PIP5K1B: variants seen among roughly 807,000 people sequenced by gnomAD.
The protein encoded by PIP5K1B is phosphatidylinositol-4-phosphate 5-kinase type 1 beta.
Under a neutral mutation model 67.0 loss-of-function variants are expected in PIP5K1B, and 42 were observed. The observed-to-expected ratio is 0.63, with a 90% confidence interval of 0.49 to 0.81. The LOEUF is 0.81. Among genes scored for constraint, PIP5K1B ranks in the 30% least tolerant of loss-of-function variants. PIP5K1B has a pLI of 0.00. For missense variants in PIP5K1B, 459 were observed against 646.3 expected (o/e 0.71, Z 3.14); for synonymous variants, 214 against 231.4 (o/e 0.92, Z 0.68).
chr9:68,896,274 T>C (rs1397482749), intron 8 of PIP5K1B, among the ~76,000 whole-genome samples: 1 of 152,174 alleles, frequency 6.6e-6, no homozygotes, highest in Non-Finnish European at 1.5e-5. Context: ...TTGCTTTCTC[T>C]TTTGTGTGCT....
intron 7 of PIP5K1B, among the ~76,000 whole-genome samples, chr9:68,894,035 A>G (rs893372691): frequency 1.3e-5 from 2 of 152,176 alleles, no homozygotes; most frequent in African/African-American, 4.8e-5. Context: ...CTCTTTGGCT[A>G]CCTTAGAGAA....
chr9:68,811,077 T>G (rs1833138298), intron 2 of PIP5K1B, among the ~76,000 whole-genome samples: 1 of 152,130 alleles, frequency 6.6e-6, no homozygotes. Context: ...CCTCCTAGAC[T>G]TAATGCAGGG....
chr9:68,754,334 T>A (rs1829812110), intron 2 of PIP5K1B, among the ~76,000 whole-genome samples: 2 of 151,562 alleles, frequency 1.3e-5, no homozygotes, highest in African/African-American at 4.9e-5. Context: ...CATGCCTGAC[T>A]GATTTTTTGT....
intron 13 of PIP5K1B, among the ~76,000 whole-genome samples, chr9:68,937,644 T>C (rs1367228279): frequency 6.6e-6 from 1 of 152,214 alleles, no homozygotes; most frequent in African/African-American, 2.4e-5. Flanking sequence ...TGTCTTCCGC[T>C]AGATTTTGAA....
chr9:68,915,538 C>A (rs1326445522), intron 8 of PIP5K1B, among the ~76,000 whole-genome samples: 1 of 152,132 alleles, frequency 6.6e-6, no homozygotes, highest in Admixed American at 6.5e-5. Flanking sequence ...ACTGATAACA[C>A]CTCCATGGAG....
intron 4 of PIP5K1B, among the ~76,000 whole-genome samples, chr9:68,861,769 G>A (rs1823087023): frequency 6.6e-6 from 1 of 152,178 alleles, no homozygotes; most frequent in Admixed American, 6.5e-5. Flanking sequence ...AGGTTAAAAT[G>A]AAGAAAATCC....
At chr9:68,830,939 CT>C (rs756216421) in intron 4 of PIP5K1B, among the ~76,000 whole-genome samples, 13 of 152,238 alleles carry the variant, frequency 8.5e-5, no homozygotes, top group African/African-American at 1.2e-4. Context: ...GGCTCATCCA[CT>C]TTCACCACTC....
chr9:68,771,619 G>T (rs1830673989), intron 2 of PIP5K1B, among the ~76,000 whole-genome samples: 1 of 152,168 alleles, frequency 6.6e-6, no homozygotes, highest in South Asian at 2.1e-4. Flanking sequence ...GAAATCGAAT[G>T]AGTTAATATA....
intron 4 of PIP5K1B, among the ~76,000 whole-genome samples, chr9:68,827,747 T>C (rs1004190948): frequency 1.3e-5 from 2 of 152,220 alleles, no homozygotes; most frequent in Admixed American, 1.3e-4. Flanking sequence ...TTTTCTGCCA[T>C]TGGTGGAACT....
At chr9:68,929,275 G>A (rs1355992082) in intron 12 of PIP5K1B, among the ~76,000 whole-genome samples, 1 of 151,710 alleles carries the variant, frequency 6.6e-6, no homozygotes. Context: ...TTGAATGGAT[G>A]AATATACCAT....
chr9:68,776,118 G>T (rs1830905462), intron 2 of PIP5K1B, among the ~76,000 whole-genome samples: 1 of 152,152 alleles, frequency 6.6e-6, no homozygotes, highest in Non-Finnish European at 1.5e-5. Flanking sequence ...TTAAAGCACA[G>T]TTTTTTCTGC....
intron 15 of PIP5K1B, among the ~76,000 whole-genome samples, chr9:69,001,325 A>G (rs1384683435): frequency 2.0e-5 from 3 of 152,082 alleles, no homozygotes; most frequent in African/African-American, 4.8e-5. Context: ...TCCTTTTCAA[A>G]TGAAACCAGT....
At chr9:68,834,040 A>G (rs904161906) in intron 4 of PIP5K1B, among the ~76,000 whole-genome samples, 1 of 152,232 alleles carries the variant, frequency 6.6e-6, no homozygotes, top group African/African-American at 2.4e-5. Context: ...CCATATTTTG[A>G]TGTTGCCTCC....
chr9:68,986,710 G>T (rs1208554737), intron 14 of PIP5K1B, among the ~76,000 whole-genome samples: 1 of 151,876 alleles, frequency 6.6e-6, no homozygotes, highest in Non-Finnish European at 1.5e-5. Flanking sequence ...TGAAATAATT[G>T]ATAAATATAC....
chr9:68,933,459 GA>G (rs1827104783), intron 12 of PIP5K1B, among the ~76,000 whole-genome samples: 1 of 151,968 alleles, frequency 6.6e-6, no homozygotes, highest in African/African-American at 2.4e-5. Flanking sequence ...TCCCCTCAAA[GA>G]AAAACAAATT....
chr9:68,935,164 T>A, intron 13 of PIP5K1B, 119 bp downstream of exon 13: 1 of 871,874 alleles, frequency 1.1e-6, no homozygotes, highest in Non-Finnish European at 1.8e-6. Context: ...ATTAATTAAG[T>A]TTTTAAAGGA....
intron 14 of PIP5K1B, among the ~76,000 whole-genome samples, chr9:68,970,146 T>C (rs1829281382): frequency 6.6e-6 from 1 of 152,244 alleles, no homozygotes; most frequent in African/African-American, 2.4e-5. Flanking sequence ...CTGAATCCAG[T>C]GACTTTTCCA....
chr9:68,989,994 A>G (rs954031703), intron 14 of PIP5K1B, among the ~76,000 whole-genome samples: 3 of 151,142 alleles, frequency 2.0e-5, no homozygotes, highest in African/African-American at 4.9e-5. Context: ...AAAAAAAAAC[A>G]AGAGGACCAG....
At chr9:68,988,953 G>A (rs1470235227) in intron 14 of PIP5K1B, among the ~76,000 whole-genome samples, 3 of 151,806 alleles carry the variant, frequency 2.0e-5, no homozygotes, top group Non-Finnish European at 4.4e-5. Context: ...AAATTAGCGG[G>A]ACGTGGTGGC....
Sources: gnomAD v4.1 joint callset for allele counts (sites outside exome capture counted in the v4.1 genomes callset) on GRCh38, gnomAD v4.1.1 for gene constraint, MANE v1.5 for transcripts, NCBI Gene and HGNC (gene_info 2026-07-23, HGNC 2026-07-21) for gene names.